Variants in GRIK3 observed in about 807,000 individuals in gnomAD.
The protein encoded by GRIK3 is glutamate receptor ionotropic, kainate 3.
A neutral mutation model predicts 102.5 loss-of-function variants in GRIK3; 29 were observed. The observed-to-expected ratio is 0.28, with a 90% confidence interval of 0.21 to 0.39. The LOEUF is 0.39. Among genes scored for constraint, GRIK3 ranks in the 10% least tolerant of loss-of-function variants. The pLI, the probability that GRIK3 is intolerant of heterozygous loss-of-function variation, is 1.00. For missense variants in GRIK3, 908 were observed against 1,252.4 expected (o/e 0.73, Z 4.15); for synonymous variants, 511 against 504.9 (o/e 1.01, Z -0.16).
intron 13 of GRIK3, among the ~76,000 whole-genome samples, chr1:36,809,808 G>A (rs532295173): frequency 3.3e-4 from 50 of 152,356 alleles, no homozygotes; most frequent in African/African-American, 9.4e-4. Flanking sequence ...ACTGAATGAG[G>A]AAGATGGGAA....
intron 1 of GRIK3, among the ~76,000 whole-genome samples, chr1:36,921,489 G>T (rs1431612513): frequency 6.6e-6 from 1 of 152,174 alleles, no homozygotes; most frequent in African/African-American, 2.4e-5. Context: ...CGATTCACAG[G>T]GTTCCATGAG....
In GRIK3 at chr1:36,796,541, T is replaced by C. The variant is rs906139290; in HGVS notation, c.*5310A>G. 1 of 152,172 alleles carries C rather than the reference T, an allele frequency of 6.6e-6. No individual in the cohort carries two copies. Among genetic ancestry groups the C allele is most frequent in the African/African-American group, 2.4e-5 (1 of 41,426 alleles). 9.4% of individuals were successfully genotyped at this position (152,172 alleles called of 1,614,324 possible). A position where few individuals can be genotyped will look rare whatever the true frequency, so the allele number is the denominator to read the frequency against. ...CTGGAGGCCTCAGAGTTTCAATCCA[T>C]AAAATGGAGACAATCTGGGAGGTGA... is the stretch of plus-strand genomic sequence containing the variant. On this transcript the variant is annotated 3_prime_UTR_variant, in exon 16 of 16. Transcript: ENST00000373091.
intron 1 of GRIK3, among the ~76,000 whole-genome samples, chr1:36,959,838 GT>G (rs1641981258): frequency 9.1e-6 from 1 of 110,192 alleles, no homozygotes; most frequent in African/African-American, 3.3e-5. Context: ...TGCCCTGTGA[GT>G]CTGTGTGCCC....
intron 1 of GRIK3, among the ~76,000 whole-genome samples, chr1:36,925,719 A>G (rs1038531565): frequency 6.6e-6 from 1 of 152,272 alleles, no homozygotes; most frequent in Non-Finnish European, 1.5e-5. Flanking sequence ...TCTGAGGTCC[A>G]GATTTCTCCA....
Position 36,996,542 on chromosome 1 carries a change from A to G in GRIK3, c.115+37452T>C, listed in dbSNP as rs1360151294. ...CCTAACCAGAGGACAGGGCTACTCAAAGAGACTTGACTCCATGTCATCCTA... is the reference window on the plus strand; with the variant it reads ...CCTAACCAGAGGACAGGGCTACTCAGAGAGACTTGACTCCATGTCATCCTA... On this transcript the variant is annotated intron_variant, in intron 1 of 15. Coordinates refer to ENST00000373091, the MANE Select transcript of GRIK3 (RefSeq NM_000831.4). Among the ~76,000 whole-genome samples the G allele has an allele frequency of 3.3e-5, 5 of 152,150 alleles. No individual in the cohort carries two copies. The South Asian group carries it at 8.3e-4, about 25-fold the overall frequency.
intron 1 of GRIK3, among the ~76,000 whole-genome samples, chr1:36,981,173 C>A (rs1009356325): frequency 6.6e-6 from 1 of 152,204 alleles, no homozygotes; most frequent in Non-Finnish European, 1.5e-5. Context: ...AGTCTTGTTC[C>A]AGGGCTAATG....
chr1:37,034,136 G>C lies in GRIK3; in HGVS notation c.-28C>G. On this transcript the variant is annotated 5_prime_UTR_variant, in exon 1 of 16. Coordinates refer to ENST00000373091, the MANE Select transcript of GRIK3 (RefSeq NM_000831.4). ...TTGGGCGCCGCCGAGCGTGCCCGGG[G>C]CGCGGCCGTGGCGGGCTCCCTGGGG... 1 of 1,300,676 alleles carries C rather than the reference G, an allele frequency of 7.7e-7. No individual in the cohort carries two copies. Among genetic ancestry groups the C allele is most frequent in the Non-Finnish European group, 1.1e-6 (1 of 942,930 alleles). 80.6% of individuals were successfully genotyped at this position (1,300,676 alleles called of 1,614,324 possible).
chr1:37,019,670 T>A (rs1461754628), intron 1 of GRIK3, among the ~76,000 whole-genome samples: 1 of 152,160 alleles, frequency 6.6e-6, no homozygotes, highest in Non-Finnish European at 1.5e-5. Flanking sequence ...GAGTGGGTGC[T>A]CCATAAATGT....
intron 10 of GRIK3, among the ~76,000 whole-genome samples, chr1:36,837,937 C>T (rs529903489): frequency 7.2e-5 from 11 of 152,314 alleles, no homozygotes; most frequent in African/African-American, 2.2e-4. Context: ...GTCAGCTCCT[C>T]GAGGCTCCCT....
intron 1 of GRIK3, among the ~76,000 whole-genome samples, chr1:36,960,303 C>T (rs1465411915): frequency 2.0e-5 from 3 of 149,812 alleles, no homozygotes; most frequent in Non-Finnish European, 3.0e-5. Context: ...CTGTGTACCC[C>T]GTGACTCTGT....
chr1:36,858,022 TTCCGGCCCGC>T (rs1359601735), intron 7 of GRIK3, among the ~76,000 whole-genome samples: 3 of 152,216 alleles, frequency 2.0e-5, no homozygotes, highest in African/African-American at 7.2e-5. Context: ...CTGGCTTCAT[TTCCGGCCCGC>T]TGTGATTGTT....
chr1:36,816,959 C>A (rs1011715754), intron 13 of GRIK3, 101 bp downstream of exon 13: 14 of 776,660 alleles, frequency 1.8e-5, no homozygotes, highest in South Asian at 1.2e-4. Flanking sequence ...ATTGGCCATG[C>A]GTGGTTAGGG....
rs79549448 is a variant in GRIK3, at chr1:36,936,954, G to A, written c.116-45858C>T. ...GGGAGCTGGATACAACAACAGGTGCGGGGGGTAGGATCCCCGCCACCCACA... is the reference window on the plus strand; with the variant it reads ...GGGAGCTGGATACAACAACAGGTGCAGGGGGTAGGATCCCCGCCACCCACA... On this transcript the variant is annotated intron_variant, in intron 1 of 15. Coordinates refer to ENST00000373091, the MANE Select transcript of GRIK3 (RefSeq NM_000831.4). Among the ~76,000 whole-genome samples, 636 of 152,236 alleles carry A rather than the reference G, an allele frequency of 4.2e-3. 6 individuals carry two copies. The highest frequency in any genetic ancestry group is 0.015 in the African/African-American group (606 of 41,524).
chr1:36,884,132 C>A (rs3820271), intron 2 of GRIK3, among the ~76,000 whole-genome samples: 121,454 of 152,068 alleles, frequency 0.8, 50,901 homozygotes, highest in Non-Finnish European at 0.92. Flanking sequence ...AGAGCACATA[C>A]AACGGGGGCA....
intron 2 of GRIK3, among the ~76,000 whole-genome samples, chr1:36,881,335 C>G (rs1160107359): frequency 6.6e-6 from 1 of 152,096 alleles, no homozygotes; most frequent in Non-Finnish European, 1.5e-5. Flanking sequence ...ACCTGTGCAT[C>G]TCACCTCTTA....
At chr1:36,860,051 T>C (rs751955495) in intron 5 of GRIK3, 34 bp from the exon 6 acceptor site, 145 of 1,506,038 alleles carry the variant, frequency 9.6e-5, no homozygotes, top group Admixed American at 2.0e-4. Flanking sequence ...AACCAAGGCA[T>C]GCTCACTGCT....
rs747576799 is a variant in GRIK3, at chr1:36,817,166, G to A, written c.1985C>T (p.Thr662Ile). The A allele has an allele frequency of 6.2e-6, 10 of 1,614,068 alleles. No individual in the cohort carries two copies. The highest frequency in any genetic ancestry group is 1.3e-5 in the African/African-American group (1 of 75,032). The change falls in exon 13 of 16, where the codon ACC becomes ATC. Residue 662 changes from threonine to isoleucine, a missense_variant. By Grantham distance (89) the Thr-to-Ile change is moderately conservative (BLOSUM62 -1). Around this residue, in one of 3 missense-constraint regions of GRIK3, gnomAD observed 297 missense variants for 362.7 expected, o/e 0.82. Transcript: ENST00000373091. ...SYTANLAAFL[T>I]VERMESPIDS... is the part of the protein sequence containing the mutation. ...AATGGGTGATTCCATGCGCTCCACG[G>A]TCAGAAAGGCAGCCAGGTTGGCCGT... is the stretch of plus-strand genomic sequence containing the variant.
At chr1:36,964,032 C>T (rs1329770551) in intron 1 of GRIK3, among the ~76,000 whole-genome samples, 2 of 152,240 alleles carry the variant, frequency 1.3e-5, no homozygotes, top group Non-Finnish European at 2.9e-5. Context: ...ATTCTCTGTA[C>T]CACCGTGGTC....
At chr1:36,996,899 G>A (rs1407428707) in intron 1 of GRIK3, among the ~76,000 whole-genome samples, 1 of 152,188 alleles carries the variant, frequency 6.6e-6, no homozygotes, top group Admixed American at 6.5e-5. Flanking sequence ...TGGCCATGAC[G>A]GAAGACATTT....
Sources: allele counts gnomAD v4.1 joint callset (sites outside exome capture counted in the v4.1 genomes callset), GRCh38; gene constraint gnomAD v4.1.1; regional missense constraint gnomAD v4.1.1; transcripts MANE v1.5; gene names NCBI Gene and HGNC (gene_info 2026-07-23, HGNC 2026-07-21).